The following SLC39A9 variants were observed in gnomAD, a reference collection of about 807,000 sequenced individuals.
SLC39A9 encodes zinc transporter ZIP9.
SLC39A9 carries 14 observed loss-of-function variants against 28.4 expected under a neutral mutation model. That is an observed-to-expected ratio of 0.49 (90% CI 0.33 to 0.77). The LOEUF (loss-of-function observed/expected upper bound fraction) is 0.77, where lower values mean the gene tolerates loss of function less well. Among genes scored for constraint, SLC39A9 ranks in the 30% least tolerant of loss-of-function variants. SLC39A9 has a pLI of 0.02. For missense variants in SLC39A9, 283 were observed against 381.1 expected (o/e 0.74, Z 2.14); for synonymous variants, 119 against 149.6 (o/e 0.80, Z 1.49).
chr14:69,434,883 G>T (rs1003296877), intron 2 of SLC39A9, among the ~76,000 whole-genome samples: 1 of 151,980 alleles, frequency 6.6e-6, no homozygotes, highest in Non-Finnish European at 1.5e-5. Context: ...AATTTGGTTG[G>T]TTGCTTGGTT....
At chr14:69,405,010 A>G (rs1378530507) in intron 1 of SLC39A9, among the ~76,000 whole-genome samples, 1 of 152,212 alleles carries the variant, frequency 6.6e-6, no homozygotes, top group Non-Finnish European at 1.5e-5. Flanking sequence ...ATCCTTCTTC[A>G]TGGGGCGGCA....
At chr14:69,399,679 G>A (rs1010474210) in intron 1 of SLC39A9, among the ~76,000 whole-genome samples, 2 of 152,140 alleles carry the variant, frequency 1.3e-5, no homozygotes, top group East Asian at 3.9e-4. Flanking sequence ...ATATTCCACG[G>A]AAGATCCTGG....
At chr14:69,456,016 C>T in intron 6 of SLC39A9, 150 bp downstream of exon 6, 1 of 849,822 alleles carries the variant, frequency 1.2e-6, no homozygotes, top group South Asian at 2.1e-5. Flanking sequence ...TATCTTAATT[C>T]CAATGCGTCC....
chr14:69,413,984 A>T (rs910220524), intron 1 of SLC39A9, among the ~76,000 whole-genome samples: 4 of 151,828 alleles, frequency 2.6e-5, no homozygotes, highest in African/African-American at 9.7e-5. Context: ...GGGTCTAAAG[A>T]TTAATAAAAA....
rs770645996 is a variant in SLC39A9 at position 69,453,331 on chromosome 14, A to G, written c.472+22A>G. ...GCAGGTAGGGTTGGATTGCAGTGGAACTTCTTTGTTTTCTATCGCACAGGG... is the reference window on the plus strand; with the variant it reads ...GCAGGTAGGGTTGGATTGCAGTGGAGCTTCTTTGTTTTCTATCGCACAGGG... On this transcript the variant is annotated intron_variant, in intron 4 of 6. Transcript: ENST00000336643. 2.5e-6 allele frequency: 4 copies of G among 1,610,396 alleles called. No individual in the cohort carries two copies. In the South Asian group the frequency reaches 4.4e-5, roughly 18 times the overall value.
rs112304069 is a variant in SLC39A9 at position 69,458,659 on chromosome 14, G to A, written c.*66G>A. The A allele has an allele frequency of 2.7e-6, 4 of 1,489,734 alleles. No homozygotes were observed. In the African/African-American group the frequency reaches 4.2e-5, roughly 16 times the overall value. The allele number at this position is 1,489,734 out of a possible 1,614,324, so 92.3% of individuals were successfully genotyped here. ...CAGTGAGAACAGCCGGCACGTGACA[G>A]CTACTCACTTCCTCAGTCTCTTGTC... is the stretch of plus-strand genomic sequence containing the variant. On this transcript the variant is annotated 3_prime_UTR_variant, in exon 7 of 7. Transcript: ENST00000336643.
intron 1 of SLC39A9, among the ~76,000 whole-genome samples, chr14:69,408,156 C>T (rs1276508789): frequency 6.6e-6 from 1 of 152,008 alleles, no homozygotes; most frequent in Non-Finnish European, 1.5e-5. Context: ...GAGATTACGG[C>T]TGCCTACCAA....
intron 2 of SLC39A9, among the ~76,000 whole-genome samples, chr14:69,434,104 G>A (rs1489683242): frequency 2.2e-5 from 3 of 138,472 alleles, no homozygotes; most frequent in Non-Finnish European, 3.1e-5. Context: ...TTTTTTGCGC[G>A]ACAGAGTCTT....
chr14:69,436,609 CT>C (rs1884772320), intron 2 of SLC39A9, among the ~76,000 whole-genome samples: 1 of 152,110 alleles, frequency 6.6e-6, no homozygotes, highest in Admixed American at 6.6e-5. Flanking sequence ...TTTTCAAAGC[CT>C]TTACAATGCT....
At chr14:69,413,492 A>G (rs1229246435) in intron 1 of SLC39A9, among the ~76,000 whole-genome samples, 1 of 152,226 alleles carries the variant, frequency 6.6e-6, no homozygotes, top group Non-Finnish European at 1.5e-5. Flanking sequence ...TATAACCAAA[A>G]TTAGGTAGGA....
At position 69,458,658 on chromosome 14, in the gene SLC39A9, A is replaced by G; in HGVS notation, c.*65A>G. ...CCAGTGAGAACAGCCGGCACGTGAC[A>G]GCTACTCACTTCCTCAGTCTCTTGT... On this transcript the variant is annotated 3_prime_UTR_variant, in exon 7 of 7. Transcript: ENST00000336643. The G allele has an allele frequency of 6.7e-7, 1 of 1,491,982 alleles. No individual in the cohort carries two copies. The highest frequency in any genetic ancestry group is 9.0e-7 in the Non-Finnish European group (1 of 1,116,906). The allele number at this position is 1,491,982 out of a possible 1,614,324, so 92.4% of individuals were successfully genotyped here. A position where few individuals can be genotyped will look rare whatever the true frequency, so the allele number is the denominator to read the frequency against.
At chr14:69,453,445 C>T in intron 4 of SLC39A9, 136 bp downstream of exon 4, 1 of 679,104 alleles carries the variant, frequency 1.5e-6, no homozygotes, top group Non-Finnish European at 2.5e-6. Context: ...TGAAGTCCTC[C>T]AACACAAGCA....
intron 1 of SLC39A9, among the ~76,000 whole-genome samples, chr14:69,418,281 A>G (rs1172190818): frequency 2.0e-5 from 3 of 151,416 alleles, no homozygotes; most frequent in Non-Finnish European, 4.4e-5. Flanking sequence ...TGATTTGCGT[A>G]TGTTGAACCA....
At chr14:69,446,185 G>C (rs1885290960) in intron 3 of SLC39A9, among the ~76,000 whole-genome samples, 1 of 151,876 alleles carries the variant, frequency 6.6e-6, no homozygotes, top group African/African-American at 2.4e-5. Flanking sequence ...GTGGAGGAAG[G>C]CAAGAAAGAA....
chr14:69,446,945 T>G (rs35231184), intron 3 of SLC39A9, among the ~76,000 whole-genome samples: 62,553 of 130,924 alleles, frequency 0.48, 15,088 homozygotes, highest in African/African-American at 0.59. Context: ...TATATATATA[T>G]ATAGAGAGAG....
At chr14:69,430,740 C>G (rs1332459202) in intron 2 of SLC39A9, among the ~76,000 whole-genome samples, 1 of 151,712 alleles carries the variant, frequency 6.6e-6, no homozygotes, top group Non-Finnish European at 1.5e-5. Flanking sequence ...AAACAATCCT[C>G]CCACTTCAGC....
At chr14:69,456,065 ACTT>A (rs1183528179) in intron 6 of SLC39A9, among the ~76,000 whole-genome samples, 199 bp downstream of exon 6, 1 of 152,178 alleles carries the variant, frequency 6.6e-6, no homozygotes, top group African/African-American at 2.4e-5. Context: ...TAATTTGAAA[ACTT>A]CTTCCCTATC....
At position 69,424,175 on chromosome 14, in the gene SLC39A9, C is replaced by G. The variant is rs1884059223; in HGVS notation, c.178C>G (p.His60Asp). 7 of 1,613,428 alleles carry G rather than the reference C, an allele frequency of 4.3e-6. No homozygotes were observed. Among genetic ancestry groups the G allele is most frequent in the Non-Finnish European group, 5.9e-6 (7 of 1,179,446 alleles). ...ALAVIVPEGV[H>D]ALYEDILEGK... Reference sequence around the variant, plus strand: ...GGCAGTCATCGTGCCTGAAGGAGTACATGCCCTTTATGAAGATATTCTTGA... The same window carrying G: ...GGCAGTCATCGTGCCTGAAGGAGTAGATGCCCTTTATGAAGATATTCTTGA... Residue 60 changes from histidine to aspartate, a missense_variant, in exon 2 of 7, where the codon CAT becomes GAT. Physicochemically the swap from His to Asp is moderately conservative, Grantham distance 81. Transcript: ENST00000336643.
At chr14:69,400,128 TC>T (rs1882549738) in intron 1 of SLC39A9, among the ~76,000 whole-genome samples, 1 of 152,220 alleles carries the variant, frequency 6.6e-6, no homozygotes, top group Admixed American at 6.5e-5. Context: ...TATGATAACT[TC>T]CTTTTGAGAA....
Sources: allele counts gnomAD v4.1 joint callset (sites outside exome capture counted in the v4.1 genomes callset), GRCh38; gene constraint gnomAD v4.1.1; transcripts MANE v1.5; gene names NCBI Gene and HGNC (gene_info 2026-07-23, HGNC 2026-07-21).